TRAF3: variants seen among roughly 807,000 people sequenced by gnomAD.
TRAF3 encodes the protein TNF receptor-associated factor 3.
TRAF3 carries 13 observed loss-of-function variants against 62.3 expected under a neutral mutation model. The observed-to-expected ratio is 0.21, with a 90% CI of 0.14 to 0.33. The LOEUF is 0.33. Ranked by LOEUF, TRAF3 falls within the 10% of genes least tolerant of loss-of-function variation. The pLI, the probability that TRAF3 is intolerant of heterozygous loss-of-function variation, is 1.00. For synonymous variants in TRAF3, 269 were observed against 283.4 expected (o/e 0.95, Z 0.51); for missense variants, 440 against 741.8 (o/e 0.59, Z 4.73).
At chr14:102,861,997 G>GTC (rs1157509755) in intron 2 of TRAF3, among the ~76,000 whole-genome samples, 2 of 152,016 alleles carry the variant, frequency 1.3e-5, no homozygotes, top group Non-Finnish European at 2.9e-5. Flanking sequence ...TCTGTTAATT[G>GTC]TCTTTTCACT....
At chr14:102,779,249 C>G (rs921930646) in intron 1 of TRAF3, among the ~76,000 whole-genome samples, 2 of 143,008 alleles carry the variant, frequency 1.4e-5, no homozygotes, top group African/African-American at 5.3e-5. Context: ...GGAGAGAGAG[C>G]TGGCCAGGGA....
rs112341301 is a variant in TRAF3 at position 102,791,813 on chromosome 14, CT to C, written c.-157+14149del. On this transcript the variant is annotated intron_variant, in intron 1 of 11. Transcript: ENST00000392745. Reference sequence around the variant, plus strand: ...AAGTTAGCTGTGTTTTCTTTCTTTCCTTTTTTTTTTTGTTTTTGACACAGGG... The same window carrying C: ...AAGTTAGCTGTGTTTTCTTTCTTTCCTTTTTTTTTTGTTTTTGACACAGGG... Among the ~76,000 whole-genome samples the C allele has an allele frequency of 1.4e-3, 203 of 146,148 alleles. 1 individual carries two copies. In the East Asian group the frequency reaches 0.021, roughly 15 times the overall value.
At chr14:102,813,221 C>T (rs564940360) in intron 1 of TRAF3, among the ~76,000 whole-genome samples, 2 of 121,240 alleles carry the variant, frequency 1.6e-5, no homozygotes, top group Admixed American at 8.0e-5. Context: ...ATAATCCGCC[C>T]GCCTCAGCCT....
At chr14:102,857,801 T>A (rs1887458216) in intron 2 of TRAF3, among the ~76,000 whole-genome samples, 1 of 152,240 alleles carries the variant, frequency 6.6e-6, no homozygotes, top group Non-Finnish European at 1.5e-5. Context: ...GTTTCTCTAA[T>A]TGTGTCCTGT....
chr14:102,822,516 G>GT (rs1900047574), intron 1 of TRAF3, among the ~76,000 whole-genome samples: 2 of 152,126 alleles, frequency 1.3e-5, no homozygotes, highest in African/African-American at 2.4e-5. Context: ...AAATGTGTGC[G>GT]TATCTAAAGT....
At chr14:102,839,680 C>T (rs568675745) in intron 2 of TRAF3, among the ~76,000 whole-genome samples, 2 of 152,276 alleles carry the variant, frequency 1.3e-5, no homozygotes, top group East Asian at 1.9e-4. Flanking sequence ...AGTTATTTTG[C>T]AGTCACAACA....
chr14:102,798,407 A>G (rs1450876620), intron 1 of TRAF3, among the ~76,000 whole-genome samples: 1 of 152,130 alleles, frequency 6.6e-6, no homozygotes, highest in Non-Finnish European at 1.5e-5. Context: ...TGGGAGGCAA[A>G]GGTGAGCAGA....
At chr14:102,899,355 T>TA (rs1394473008) in intron 10 of TRAF3, among the ~76,000 whole-genome samples, 1 of 152,194 alleles carries the variant, frequency 6.6e-6, no homozygotes, top group Non-Finnish European at 1.5e-5. Flanking sequence ...AGGCCCCGCC[T>TA]ACCCTCTTGA....
chr14:102,861,549 G>A (rs1216741185), intron 2 of TRAF3, among the ~76,000 whole-genome samples: 1 of 152,088 alleles, frequency 6.6e-6, no homozygotes, highest in Non-Finnish European at 1.5e-5. Context: ...CTTACCCAAG[G>A]TCGGCCAATC....
At chr14:102,794,357 C>CT (rs1478562384) in intron 1 of TRAF3, among the ~76,000 whole-genome samples, 5 of 152,236 alleles carry the variant, frequency 3.3e-5, no homozygotes, top group Middle Eastern at 6.8e-3. Context: ...TAGTTTTTAA[C>CT]TTTTTGTAGA....
At chr14:102,780,059 T>G (rs2140044845) in intron 1 of TRAF3, among the ~76,000 whole-genome samples, 1 of 152,252 alleles carries the variant, frequency 6.6e-6, no homozygotes, top group South Asian at 2.1e-4. Flanking sequence ...ATAACTGACT[T>G]CAGATACAGA....
At chr14:102,896,941 C>T (rs1364496786) in intron 9 of TRAF3, among the ~76,000 whole-genome samples, 2 of 152,102 alleles carry the variant, frequency 1.3e-5, no homozygotes. Flanking sequence ...ATGGTGGTGG[C>T]ATGTACCTGT....
At chr14:102,886,752 G>A (rs548093772) in intron 7 of TRAF3, among the ~76,000 whole-genome samples, 14 of 152,226 alleles carry the variant, frequency 9.2e-5, no homozygotes, top group South Asian at 2.1e-4. Flanking sequence ...GTTAAACTCC[G>A]TCTCAAAAAC....
At chr14:102,780,532 C>G (rs76494557) in intron 1 of TRAF3, among the ~76,000 whole-genome samples, 2 of 139,820 alleles carry the variant, frequency 1.4e-5, no homozygotes, top group Non-Finnish European at 3.1e-5. Context: ...TTTTTTTTTT[C>G]TTTCGGTGAA....
chr14:102,893,394 A>C (rs1889832952), intron 9 of TRAF3, among the ~76,000 whole-genome samples: 1 of 151,892 alleles, frequency 6.6e-6, no homozygotes, highest in Non-Finnish European at 1.5e-5. Context: ...TCTCAAAAAA[A>C]AAAAAAAAAA....
intron 2 of TRAF3, among the ~76,000 whole-genome samples, chr14:102,849,741 AT>A (rs771718616): frequency 5.6e-4 from 85 of 152,344 alleles, no homozygotes; most frequent in Middle Eastern, 3.4e-3. Context: ...GCAGTGGAAC[AT>A]TTGGCATCAG....
At chr14:102,779,874 T>C (rs1897201393) in intron 1 of TRAF3, among the ~76,000 whole-genome samples, 3 of 152,238 alleles carry the variant, frequency 2.0e-5, no homozygotes. Flanking sequence ...ATGCAATAGC[T>C]GAATTTCCTT....
intron 6 of TRAF3, among the ~76,000 whole-genome samples, chr14:102,879,235 G>A (rs996042300): frequency 1.3e-5 from 2 of 152,144 alleles, no homozygotes; most frequent in African/African-American, 4.8e-5. Context: ...GCTCAGCCAG[G>A]GCGTGGGCCA....
chr14:102,817,104 G>T (rs1899584297), intron 1 of TRAF3, among the ~76,000 whole-genome samples: 1 of 152,192 alleles, frequency 6.6e-6, no homozygotes, highest in African/African-American at 2.4e-5. Flanking sequence ...TGTTGGACCT[G>T]TTAGGTTTGA....
Sources: gnomAD v4.1 joint callset for allele counts (sites outside exome capture counted in the v4.1 genomes callset) on GRCh38, gnomAD v4.1.1 for gene constraint, MANE v1.5 for transcripts, NCBI Gene and HGNC (gene_info 2026-07-23, HGNC 2026-07-21) for gene names.